CIST1: variants seen among roughly 807,000 people sequenced by gnomAD.
The protein encoded by CIST1 is colon, intestine and stomach enriched 1.
the CIST1 span, chr19:18,251,935 T>TG: frequency 2.0e-4 from 78 of 396,630 alleles, no homozygotes; most frequent in Non-Finnish European, 3.0e-4. Context: ...CTTTAGACAA[T>TG]GGAGCAGAGA....
chr19:18,251,961 A>G, the CIST1 span: 1 of 397,724 alleles, frequency 2.5e-6, no homozygotes, highest in Non-Finnish European at 4.4e-6. Flanking sequence ...AGCCCTTCCT[A>G]GAGCATTCTC....
chr19:18,252,118 G>A, the CIST1 span: 1 of 399,286 alleles, frequency 2.5e-6, no homozygotes, highest in Non-Finnish European at 4.4e-6. Flanking sequence ...TCCGTTCCGG[G>A]GCTGTGGGAA....
the CIST1 span, among the ~76,000 whole-genome samples, chr19:18,252,850 A>G: frequency 6.6e-6 from 1 of 152,142 alleles, no homozygotes; most frequent in African/African-American, 2.4e-5. Flanking sequence ...CAGATGATCC[A>G]CCTGCCTTGG....
the CIST1 span, among the ~76,000 whole-genome samples, chr19:18,251,288 G>A: frequency 6.7e-6 from 1 of 148,536 alleles, no homozygotes; most frequent in Admixed American, 6.7e-5. Context: ...ACCATGCCTG[G>A]CTATTTTTTG....
chr19:18,250,136 C>G, the CIST1 span: 1 of 398,776 alleles, frequency 2.5e-6, no homozygotes. Flanking sequence ...GGGCTCACTC[C>G]TGGAGGTGGT....
the CIST1 span, chr19:18,255,145 T>A: frequency 2.9e-4 from 115 of 397,632 alleles, no homozygotes; most frequent in African/African-American, 2.2e-3. The surrounding 1 kb of genome is among the most constrained non-coding windows in gnomAD (Gnocchi z 4.6). Flanking sequence ...AGAAGCCAGG[T>A]GTGTGACTGG....
the CIST1 span, among the ~76,000 whole-genome samples, chr19:18,252,807 G>C: frequency 1.3e-5 from 2 of 152,122 alleles, no homozygotes; most frequent in African/African-American, 4.8e-5. Context: ...TAGTTTCACT[G>C]TGCTGGCCAG....
chr19:18,253,274 T>C, the CIST1 span, among the ~76,000 whole-genome samples: 4 of 152,210 alleles, frequency 2.6e-5, no homozygotes, highest in Non-Finnish European at 5.9e-5. Flanking sequence ...TCCCAGCTAC[T>C]GGGGAGGCTG....
chr19:18,251,136 T>C, the CIST1 span, among the ~76,000 whole-genome samples: 1,253 of 130,418 alleles, frequency 9.6e-3, 36 homozygotes, highest in Admixed American at 0.064. Flanking sequence ...GTCTTTTTTT[T>C]CCCCCCCGAG....
the CIST1 span, chr19:18,252,038 A>G: frequency 2.5e-6 from 1 of 398,614 alleles, no homozygotes. Context: ...ACCTCCCTAC[A>G]AACACCCAAA....
At chr19:18,250,048 G>A in the CIST1 span, 1 of 398,704 alleles carries the variant, frequency 2.5e-6, no homozygotes, top group Non-Finnish European at 4.4e-6. Flanking sequence ...ATGAATGGTA[G>A]GGGCTTTATT....
chr19:18,253,811 C>T, the CIST1 span, among the ~76,000 whole-genome samples: 19 of 152,238 alleles, frequency 1.2e-4, no homozygotes, highest in Admixed American at 1.2e-3. Flanking sequence ...AGGGACCAGG[C>T]TGAGGGCAGG....
At chr19:18,252,286 G>A in the CIST1 span, 1 of 399,198 alleles carries the variant, frequency 2.5e-6, no homozygotes, top group South Asian at 1.3e-4. Context: ...CTGGGGCTCG[G>A]CTGGATGGTA....
chr19:18,251,772 G>C, the CIST1 span, among the ~76,000 whole-genome samples: 1 of 139,804 alleles, frequency 7.2e-6, no homozygotes, highest in Non-Finnish European at 1.6e-5. Flanking sequence ...TTTTTTTGTA[G>C]AGACAAAGTC....
At chr19:18,254,803 A>G in the CIST1 span, among the ~76,000 whole-genome samples, 1 of 152,174 alleles carries the variant, frequency 6.6e-6, no homozygotes, top group African/African-American at 2.4e-5. Flanking sequence ...TAAGTCAGAC[A>G]CCCAGAAGAA....
chr19:18,252,616 C>T, the CIST1 span: 10 of 300,358 alleles, frequency 3.3e-5, no homozygotes, highest in African/African-American at 8.3e-5. Flanking sequence ...TTCTCTCTCT[C>T]TTTTTTTTTT....
At chr19:18,252,390 C>T in the CIST1 span, 3 of 398,994 alleles carry the variant, frequency 7.5e-6, no homozygotes, top group East Asian at 1.1e-4. Flanking sequence ...TTCCCCTGAA[C>T]TGTGGGTGCT....
At chr19:18,255,096 G>A in the CIST1 span, 9 of 393,936 alleles carry the variant, frequency 2.3e-5, no homozygotes, top group Non-Finnish European at 4.0e-5. The surrounding 1 kb of genome is among the most constrained non-coding windows in gnomAD (Gnocchi z 4.6). Flanking sequence ...AGCCTTCCTC[G>A]GAGGGTTGGC....
At chr19:18,250,317 A>G in the CIST1 span, 1 of 399,104 alleles carries the variant, frequency 2.5e-6, no homozygotes. Flanking sequence ...CTTACCATGG[A>G]CACCTCGTCC....
Sources: allele counts gnomAD v4.1 joint callset (sites outside exome capture counted in the v4.1 genomes callset), GRCh38; gene constraint gnomAD v4.1.1; non-coding constraint Gnocchi (gnomAD v3.1); transcripts MANE v1.5; gene names NCBI Gene and HGNC (gene_info 2026-07-23, HGNC 2026-07-21).